The following ZNF609 variants were observed in gnomAD, a reference collection of about 807,000 sequenced individuals.
The protein encoded by ZNF609 is zinc finger protein 609.
ZNF609 carries 11 observed loss-of-function variants against 109.5 expected under a neutral mutation model. The observed-to-expected ratio is 0.10, with a 90% CI of 0.06 to 0.17. The LOEUF (loss-of-function observed/expected upper bound fraction) is 0.17, where lower values mean the gene tolerates loss of function less well. Ranked by LOEUF, ZNF609 falls within the 10% of genes least tolerant of loss-of-function variation. The pLI is 1.00. For missense variants in ZNF609, 1,559 were observed against 1,772.4 expected (o/e 0.88, Z 2.16); for synonymous variants, 646 against 662.0 (o/e 0.98, Z 0.37).
intron 3 of ZNF609, among the ~76,000 whole-genome samples, chr15:64,642,361 CT>C (rs1896273824): frequency 6.6e-6 from 1 of 151,402 alleles, no homozygotes; most frequent in Non-Finnish European, 1.5e-5. Context: ...CTTTTTTTTT[CT>C]TTTGTAGAGA....
chr15:64,486,943 C>G (rs1337542887), intron 1 of ZNF609, among the ~76,000 whole-genome samples: 5 of 152,018 alleles, frequency 3.3e-5, no homozygotes, highest in Non-Finnish European at 1.5e-5. Context: ...TCTTACTGCC[C>G]TTCTCTTCGT....
At chr15:64,665,629 G>C (rs1218832512) in intron 3 of ZNF609, among the ~76,000 whole-genome samples, 2 of 152,128 alleles carry the variant, frequency 1.3e-5, no homozygotes, top group Non-Finnish European at 2.9e-5. Context: ...AAACAAATGG[G>C]CCGGGCCCGG....
intron 1 of ZNF609, among the ~76,000 whole-genome samples, chr15:64,485,664 G>A (rs1469859710): frequency 6.6e-6 from 1 of 151,984 alleles, no homozygotes; most frequent in Admixed American, 6.6e-5. Context: ...AATTCACTGG[G>A]CATGGTCATG....
intron 2 of ZNF609, among the ~76,000 whole-genome samples, chr15:64,563,875 C>T (rs969469237): frequency 2.6e-5 from 4 of 152,040 alleles, no homozygotes; most frequent in Middle Eastern, 3.2e-3. Flanking sequence ...CGTGAGTCGC[C>T]GTGCCCGGCC....
chr15:64,637,255 T>C (rs1896190037), intron 3 of ZNF609, among the ~76,000 whole-genome samples: 1 of 152,236 alleles, frequency 6.6e-6, no homozygotes. Flanking sequence ...CATTATAGTA[T>C]TCCATTATGT....
At chr15:64,539,888 T>C (rs926850252) in intron 2 of ZNF609, among the ~76,000 whole-genome samples, 3 of 151,670 alleles carry the variant, frequency 2.0e-5, no homozygotes, top group African/African-American at 7.3e-5. Flanking sequence ...CAGCCCGCCC[T>C]GGCCTCCCAA....
rs925607706 is a variant in ZNF609 at position 64,529,500 on chromosome 15, A to G, written c.747+29334A>G. The stretch of plus-strand genomic sequence containing the variant: ...TCCCGTTCTCAGCCTTGACGGTGCC[A>G]TGGAATTTGCCATGTGTAGAATCAT... On this transcript the variant is annotated intron_variant, in intron 2 of 9. Coordinates refer to ENST00000326648, the MANE Select transcript of ZNF609 (RefSeq NM_015042.2). 5 of 1,133,530 alleles carry G rather than the reference A, an allele frequency of 4.4e-6. No individual in the cohort carries two copies. In the South Asian group the frequency reaches 4.9e-5, roughly 11 times the overall value. The allele number at this position is 1,133,530 out of a possible 1,614,324, so 70.2% of individuals were successfully genotyped here.
At position 64,484,926 on chromosome 15, in the gene ZNF609, A is replaced by G. The variant is rs572349752; in HGVS notation, c.-127-14367A>G. Among the ~76,000 whole-genome samples, 4 of 152,332 alleles carry G rather than the reference A, an allele frequency of 2.6e-5. No individual in the cohort carries two copies. The East Asian group carries it at 7.7e-4, about 29-fold the overall frequency. On this transcript the variant is annotated intron_variant, in intron 1 of 9. Coordinates refer to ENST00000326648, the MANE Select transcript of ZNF609 (RefSeq NM_015042.2). ...GAGGCGGAGGTTGCAGTGAGCCGAGATTGCGCCACTGCACTCCAGCTTGGG... is the reference window on the plus strand; with the variant it reads ...GAGGCGGAGGTTGCAGTGAGCCGAGGTTGCGCCACTGCACTCCAGCTTGGG...
At chr15:64,591,905 T>C (rs1437982764) in intron 2 of ZNF609, among the ~76,000 whole-genome samples, 3 of 152,038 alleles carry the variant, frequency 2.0e-5, no homozygotes, top group Non-Finnish European at 4.4e-5. Flanking sequence ...AGAGATGGGG[T>C]TTCACCATGT....
chr15:64,502,045 A>G (rs562361120), intron 2 of ZNF609: 1 of 152,346 alleles, frequency 6.6e-6, no homozygotes, highest in Non-Finnish European at 1.5e-5. Context: ...TTTGCCATAT[A>G]AGCTTTGCCT....
intron 2 of ZNF609, among the ~76,000 whole-genome samples, chr15:64,518,061 C>T (rs889400835): frequency 2.0e-5 from 3 of 152,140 alleles, no homozygotes; most frequent in Non-Finnish European, 4.4e-5. Flanking sequence ...GGATTACAAG[C>T]GTGAGCCATC....
chr15:64,601,324 C>G (rs1348545515), intron 2 of ZNF609, among the ~76,000 whole-genome samples: 1 of 152,082 alleles, frequency 6.6e-6, no homozygotes, highest in Non-Finnish European at 1.5e-5. Flanking sequence ...GGTCTCATCT[C>G]TTCTATTCCT....
At chr15:64,582,918 A>AT (rs1399056406) in intron 2 of ZNF609, among the ~76,000 whole-genome samples, 3 of 149,228 alleles carry the variant, frequency 2.0e-5, no homozygotes. Flanking sequence ...CGCCCGGCTA[A>AT]TTTTTTGTAT....
At chr15:64,590,549 C>G (rs538719304) in intron 2 of ZNF609, among the ~76,000 whole-genome samples, 1 of 152,126 alleles carries the variant, frequency 6.6e-6, no homozygotes, top group South Asian at 2.1e-4. Flanking sequence ...GAACTCCTGG[C>G]CTCAGATGAT....
At chr15:64,652,706 T>A (rs549693430) in intron 3 of ZNF609, among the ~76,000 whole-genome samples, 2 of 152,258 alleles carry the variant, frequency 1.3e-5, no homozygotes, top group East Asian at 1.9e-4. Context: ...GCTTATTTTT[T>A]AAAAATTTTA....
intron 2 of ZNF609, among the ~76,000 whole-genome samples, chr15:64,585,401 C>T (rs1352246299): frequency 1.3e-5 from 2 of 152,068 alleles, no homozygotes; most frequent in African/African-American, 4.8e-5. Context: ...TTCTCTAATT[C>T]ACAATGGTCT....
At chr15:64,662,712 C>T (rs1896596927) in intron 3 of ZNF609, among the ~76,000 whole-genome samples, 2 of 151,982 alleles carry the variant, frequency 1.3e-5, no homozygotes, top group Admixed American at 1.3e-4. Flanking sequence ...GTTGCCCAGA[C>T]GGGAGTGCAG....
chr15:64,499,836 T>C lies in ZNF609; in HGVS notation c.417T>C (p.Ala139=), dbSNP rs774549679. ...CTGGAGGCCTGGTTGCTGCTATTGCTCCCAAGGGCTCAGAGAAGGCGGCTA... is the reference window on the plus strand; with the variant it reads ...CTGGAGGCCTGGTTGCTGCTATTGCCCCCAAGGGCTCAGAGAAGGCGGCTA... ...ANAGGLVAAI[A]PKGSEKAAKA... is the part of the protein sequence containing the mutation. The change falls in exon 2 of 10, where the codon GCT becomes GCC. Residue 139 remains alanine, a synonymous_variant. Coordinates refer to ENST00000326648, the MANE Select transcript of ZNF609 (RefSeq NM_015042.2). The C allele has an allele frequency of 2.5e-6, 4 of 1,613,916 alleles. No individual in the cohort carries two copies. In the South Asian group the frequency reaches 4.4e-5, roughly 18 times the overall value.
At chr15:64,648,141 G>C (rs1421881746) in intron 3 of ZNF609, among the ~76,000 whole-genome samples, 2 of 152,128 alleles carry the variant, frequency 1.3e-5, no homozygotes, top group East Asian at 3.8e-4. Context: ...GAAAATACGA[G>C]CTCCTGAGAA....
Sources: gnomAD v4.1 joint callset for allele counts (sites outside exome capture counted in the v4.1 genomes callset) on GRCh38, gnomAD v4.1.1 for gene constraint, MANE v1.5 for transcripts, NCBI Gene and HGNC (gene_info 2026-07-23, HGNC 2026-07-21) for gene names.